Variants in ADGRA3 observed in about 807,000 individuals in gnomAD.
ADGRA3 encodes the protein adhesion G protein-coupled receptor A3.
Under a neutral mutation model 119.8 loss-of-function variants are expected in ADGRA3, and 56 were observed. The observed-to-expected ratio is 0.47, with a 90% confidence interval of 0.38 to 0.58. The LOEUF (loss-of-function observed/expected upper bound fraction) is 0.58, where lower values mean the gene tolerates loss of function less well. Ranked by LOEUF, ADGRA3 falls within the 20% of genes least tolerant of loss-of-function variation. ADGRA3 has a pLI of 0.00. For missense variants in ADGRA3, 1,516 were observed against 1,649.0 expected (o/e 0.92, Z 1.40); for synonymous variants, 607 against 623.8 (o/e 0.97, Z 0.40).
intron 14 of ADGRA3, among the ~76,000 whole-genome samples, chr4:22,408,348 GAA>G (rs35275768): frequency 6.6e-6 from 1 of 151,660 alleles, no homozygotes; most frequent in African/African-American, 2.4e-5. Flanking sequence ...CAATATTGAG[GAA>G]AAAAAAAGGC....
At chr4:22,453,989 T>G (rs1717157925) in intron 4 of ADGRA3, among the ~76,000 whole-genome samples, 2 of 152,012 alleles carry the variant, frequency 1.3e-5, no homozygotes, top group Non-Finnish European at 2.9e-5. Context: ...GCCTCCCGAG[T>G]AGCTGGGACT....
chr4:22,507,606 C>T (rs7691588), intron 1 of ADGRA3, among the ~76,000 whole-genome samples: 150,196 of 152,276 alleles, frequency 0.99, 74,085 homozygotes, highest in Non-Finnish European at 0.99. Context: ...ACTTGGTATC[C>T]TGCCAAACCC....
At chr4:22,466,118 A>G (rs1287644098) in intron 2 of ADGRA3, among the ~76,000 whole-genome samples, 1 of 152,190 alleles carries the variant, frequency 6.6e-6, no homozygotes, top group East Asian at 1.9e-4. Context: ...ACAGTCCCTC[A>G]GAAGGAAGTT....
intron 1 of ADGRA3, among the ~76,000 whole-genome samples, chr4:22,482,444 C>G (rs903406838): frequency 6.6e-6 from 1 of 151,638 alleles, no homozygotes; most frequent in Admixed American, 6.6e-5. Context: ...CTGCTTGAGC[C>G]CAGGAGTTAG....
chr4:22,442,314 A>T (rs1428276338), intron 7 of ADGRA3, among the ~76,000 whole-genome samples: 2 of 152,152 alleles, frequency 1.3e-5, no homozygotes, highest in East Asian at 3.9e-4. Context: ...ATATCAGGTG[A>T]TTACTAAAAG....
intron 3 of ADGRA3, among the ~76,000 whole-genome samples, chr4:22,457,229 T>C (rs1342705968): frequency 2.0e-5 from 3 of 152,214 alleles, no homozygotes; most frequent in African/African-American, 4.8e-5. Flanking sequence ...CTACTTCTGA[T>C]AGTATATTCT....
intron 17 of ADGRA3, among the ~76,000 whole-genome samples, chr4:22,391,556 C>T (rs1004222357): frequency 5.9e-5 from 9 of 152,086 alleles, no homozygotes; most frequent in African/African-American, 2.2e-4. Flanking sequence ...GGGGGCTGCC[C>T]TAATAACCTC....
chr4:22,480,842 T>G (rs926715540), intron 1 of ADGRA3, among the ~76,000 whole-genome samples: 1 of 152,166 alleles, frequency 6.6e-6, no homozygotes, highest in African/African-American at 2.4e-5. Flanking sequence ...GGAAGCACTT[T>G]AGGTATTCAC....
At position 22,479,446 on chromosome 4, in the gene ADGRA3, G is replaced by A. The variant is rs185242875; in HGVS notation, c.258-5603C>T. On this transcript the variant is annotated intron_variant, in intron 1 of 18. Coordinates refer to ENST00000334304, the MANE Select transcript of ADGRA3 (RefSeq NM_145290.4). ...CCACTGCACTCCAGCCTGGGCGACA[G>A]AGCGAGACTCTGTCTCAAATAAAAA... is the stretch of plus-strand genomic sequence containing the variant. Among the ~76,000 whole-genome samples the A allele has an allele frequency of 2.9e-3, 432 of 149,724 alleles. 4 individuals are homozygous for A. The highest frequency in any genetic ancestry group is 8.6e-3 in the African/African-American group (347 of 40,386).
At chr4:22,513,843 G>C (rs1221389398) in intron 1 of ADGRA3, among the ~76,000 whole-genome samples, 1 of 70,514 alleles carries the variant, frequency 1.4e-5, no homozygotes, top group Non-Finnish European at 2.3e-5. Flanking sequence ...AAAGCTTTCA[G>C]GCAAAAAAAA....
At chr4:22,491,559 A>T (rs1342379338) in intron 1 of ADGRA3, among the ~76,000 whole-genome samples, 1 of 152,084 alleles carries the variant, frequency 6.6e-6, no homozygotes, top group East Asian at 1.9e-4. Context: ...GAATGCTCCC[A>T]CCCACGATAT....
chr4:22,442,670 G>A lies in ADGRA3; in HGVS notation c.900C>T (p.His300=), dbSNP rs1233246042. The A allele has an allele frequency of 8.7e-6, 14 of 1,609,540 alleles. No homozygotes were observed. Among genetic ancestry groups the A allele is most frequent in the Non-Finnish European group, 1.0e-5 (12 of 1,176,886 alleles). ...TTTACCTTGCAATCAAGGAGCAGTT[G>A]TGAATCATGTTCTTTTCAACAAAAA... The part of the protein sequence containing the change: ...QGIFVEKNMI[H]NCSLIASALT... Residue 300 remains histidine, a synonymous_variant, in exon 7 of 19, where the codon CAC becomes CAT. Coordinates refer to ENST00000334304, the MANE Select transcript of ADGRA3 (RefSeq NM_145290.4).
chr4:22,515,401 G>T, intron 1 of ADGRA3, 127 bp downstream of exon 1: 1 of 1,198,058 alleles, frequency 8.3e-7, no homozygotes, highest in Non-Finnish European at 1.1e-6. Flanking sequence ...GTCTTTCCTA[G>T]CACCGCCCCC....
chr4:22,510,903 T>C (rs1449576212), intron 1 of ADGRA3, among the ~76,000 whole-genome samples: 1 of 152,340 alleles, frequency 6.6e-6, no homozygotes, highest in Non-Finnish European at 1.5e-5. Flanking sequence ...CTGCTTCCTA[T>C]TGTGCAAATC....
chr4:22,455,766 A>C (rs1188567230), intron 3 of ADGRA3: 1 of 1,250,378 alleles, frequency 8.0e-7, no homozygotes, highest in Non-Finnish European at 1.0e-6. Context: ...AAAAGTAAAA[A>C]CTTTATGTTG....
chr4:22,499,761 A>G (rs1221013256), intron 1 of ADGRA3, among the ~76,000 whole-genome samples: 3 of 152,202 alleles, frequency 2.0e-5, no homozygotes, highest in African/African-American at 7.2e-5. Flanking sequence ...CTAAGTATAA[A>G]TGCCATTGGT....
chr4:22,451,680 G>C (rs1001425041), intron 4 of ADGRA3, among the ~76,000 whole-genome samples: 1 of 152,002 alleles, frequency 6.6e-6, no homozygotes, highest in Non-Finnish European at 1.5e-5. Flanking sequence ...ATCTGGCTGA[G>C]AATGCCTAGG....
intron 1 of ADGRA3, among the ~76,000 whole-genome samples, chr4:22,478,791 T>A (rs546356859): frequency 7.2e-4 from 109 of 151,968 alleles, no homozygotes; most frequent in Non-Finnish European, 1.4e-3. Context: ...AAGGCAGAGA[T>A]GAGCCTCAGA....
chr4:22,431,294 T>G (rs146654240), intron 10 of ADGRA3, among the ~76,000 whole-genome samples: 3,436 of 28,496 alleles, frequency 0.12, 38 homozygotes, highest in Non-Finnish European at 0.21. Context: ...TTCTTATATA[T>G]ATATTATATA....
Sources: allele counts gnomAD v4.1 joint callset (sites outside exome capture counted in the v4.1 genomes callset), GRCh38; gene constraint gnomAD v4.1.1; transcripts MANE v1.5; gene names NCBI Gene and HGNC (gene_info 2026-07-23, HGNC 2026-07-21).